The following SEC24D variants were observed in gnomAD, a reference collection of about 807,000 sequenced individuals.
SEC24D encodes the protein protein transport protein Sec24D.
SEC24D carries 69 observed loss-of-function variants against 116.9 expected under a neutral mutation model. The ratio of observed to expected loss-of-function variants is 0.59; its 90% confidence interval spans 0.49 to 0.72. The LOEUF (loss-of-function observed/expected upper bound fraction) is 0.72. SEC24D is among the 30% of genes least tolerant of loss of function. The probability of loss-of-function intolerance (pLI) is 0.00; values close to 1 mark genes in which losing one functional copy is unlikely to be tolerated. For synonymous variants in SEC24D, 405 were observed against 442.8 expected (o/e 0.91, Z 1.07); for missense variants, 1,131 against 1,264.1 (o/e 0.89, Z 1.60).
intron 10 of SEC24D, among the ~76,000 whole-genome samples, chr4:118,758,156 C>A (rs1727202262): frequency 6.6e-6 from 1 of 152,148 alleles, no homozygotes; most frequent in Non-Finnish European, 1.5e-5. Flanking sequence ...AGGGAAAGTA[C>A]AGAATCATGG....
intron 6 of SEC24D, among the ~76,000 whole-genome samples, chr4:118,810,137 T>TGTGTGTGTGTGTGTGTGTGTGTGTG (rs56961502): frequency 2.9e-5 from 3 of 104,280 alleles, no homozygotes; most frequent in Admixed American, 1.1e-4. Context: ...TGTGTGTGTG[T>TGTGTGTGTGTGTGTGTGTGTGTGTG]CAGAGGGTAT....
intron 8 of SEC24D, 36 bp from the exon 9 acceptor site, chr4:118,768,347 A>G: frequency 6.5e-7 from 1 of 1,533,270 alleles, no homozygotes; most frequent in Non-Finnish European, 8.9e-7. Flanking sequence ...TGAACAGGTG[A>G]GTATAGGATT....
At chr4:118,749,415 A>G (rs1165736172) in intron 13 of SEC24D, among the ~76,000 whole-genome samples, 1 of 152,210 alleles carries the variant, frequency 6.6e-6, no homozygotes, top group Non-Finnish European at 1.5e-5. Flanking sequence ...TATAGATTTT[A>G]CTTGGCATCT....
intron 7 of SEC24D, 126 bp downstream of exon 7, chr4:118,805,717 A>G (rs890734881): frequency 1.8e-6 from 1 of 560,478 alleles, no homozygotes; most frequent in Non-Finnish European, 3.0e-6. Context: ...TTAACAGAGA[A>G]CTGATTATCA....
intron 13 of SEC24D, among the ~76,000 whole-genome samples, chr4:118,748,791 C>T (rs1267864905): frequency 6.6e-6 from 1 of 151,976 alleles, no homozygotes; most frequent in African/African-American, 2.4e-5. Context: ...ATCAAGGGCT[C>T]CCTGAAAAGG....
chr4:118,830,456 T>C (rs1010088843), intron 2 of SEC24D, among the ~76,000 whole-genome samples: 2 of 152,172 alleles, frequency 1.3e-5, no homozygotes, highest in Non-Finnish European at 2.9e-5. Context: ...AATTAATTAA[T>C]TTAATTTAAT....
intron 19 of SEC24D, 120 bp downstream of exon 19, chr4:118,738,141 C>A: frequency 1.4e-6 from 1 of 696,966 alleles, no homozygotes; most frequent in Non-Finnish European, 2.5e-6. Context: ...TTCTCAGCTA[C>A]ACTGTTTACT....
chr4:118,745,114 T>C (rs1726446419), intron 13 of SEC24D, 54 bp from the exon 14 acceptor site: 1 of 933,270 alleles, frequency 1.1e-6, no homozygotes, highest in African/African-American at 1.7e-5. Context: ...AGTAGGAACA[T>C]TTTAAGAGAA....
At chr4:118,806,073 A>C in intron 6 of SEC24D, 119 bp from the exon 7 acceptor site, 1 of 657,148 alleles carries the variant, frequency 1.5e-6, no homozygotes, top group East Asian at 2.9e-5. Flanking sequence ...ATATTCACAC[A>C]CACAGAGATG....
intron 8 of SEC24D, among the ~76,000 whole-genome samples, chr4:118,789,748 CTA>C (rs1449534761): frequency 6.6e-6 from 1 of 152,096 alleles, no homozygotes; most frequent in African/African-American, 2.4e-5. Context: ...CCATGCCAGG[CTA>C]ATTTTTTGTA....
intron 8 of SEC24D, among the ~76,000 whole-genome samples, chr4:118,780,110 T>C (rs573192659): frequency 6.6e-6 from 1 of 152,352 alleles, no homozygotes; most frequent in South Asian, 2.1e-4. Context: ...CCTTCAGTTC[T>C]GCTCTGATGT....
rs117381712 is a variant in SEC24D at position 118,797,929 on chromosome 4, C to T, written c.914-119G>A. ...ATTGCATTATTTCTTATTTGTAAAACTCTCTTCATGATTTGTTTTTTAAAA... is the reference window on the plus strand; with the variant it reads ...ATTGCATTATTTCTTATTTGTAAAATTCTCTTCATGATTTGTTTTTTAAAA... On this transcript the variant is annotated intron_variant, in intron 7 of 22. Coordinates refer to ENST00000280551, the MANE Select transcript of SEC24D (RefSeq NM_014822.4). 4.9e-3 allele frequency: 3,625 copies of T among 744,078 alleles called. 165 individuals carry two copies. The East Asian group carries it at 0.09, about 19-fold the overall frequency. The allele number at this position is 744,078 out of a possible 1,614,324, so 46.1% of individuals were successfully genotyped here. A position where few individuals can be genotyped will look rare whatever the true frequency, so the allele number is the denominator to read the frequency against.
chr4:118,733,212 G>T, intron 19 of SEC24D: 1 of 210,830 alleles, frequency 4.7e-6, no homozygotes, highest in Non-Finnish European at 9.3e-6. Flanking sequence ...GTGTGACCCT[G>T]GGCAAATTAC....
At chr4:118,820,934 A>G (rs1484024239) in intron 3 of SEC24D, among the ~76,000 whole-genome samples, 3 of 152,194 alleles carry the variant, frequency 2.0e-5, no homozygotes, top group Non-Finnish European at 4.4e-5. Context: ...CCTCAATTTA[A>G]TCCTAATCCT....
intron 15 of SEC24D, 33 bp from the exon 16 acceptor site, chr4:118,741,070 G>C: frequency 8.9e-7 from 1 of 1,129,818 alleles, no homozygotes. Context: ...ATGTCCACCA[G>C]ATGGCAGTAA....
intron 1 of SEC24D, among the ~76,000 whole-genome samples, chr4:118,834,176 G>A (rs1402016424): frequency 6.6e-6 from 1 of 152,180 alleles, no homozygotes; most frequent in African/African-American, 2.4e-5. Context: ...CGTCTTTTTA[G>A]TGCTCATCTA....
chr4:118,832,590 G>T (rs1730909822), intron 2 of SEC24D, among the ~76,000 whole-genome samples: 1 of 152,148 alleles, frequency 6.6e-6, no homozygotes, highest in Non-Finnish European at 1.5e-5. Flanking sequence ...AGAGATCTGG[G>T]TATGAATCCT....
At chr4:118,741,966 G>T (rs1294848269) in intron 15 of SEC24D, among the ~76,000 whole-genome samples, 1 of 152,154 alleles carries the variant, frequency 6.6e-6, no homozygotes, top group Non-Finnish European at 1.5e-5. Flanking sequence ...CAACTGAATG[G>T]CAGCATAGGC....
chr4:118,743,923 A>G lies in SEC24D; in HGVS notation c.1995+65T>C, dbSNP rs1726359665. On this transcript the variant is annotated intron_variant, in intron 15 of 22. Coordinates refer to ENST00000280551, the MANE Select transcript of SEC24D (RefSeq NM_014822.4). ...CCAGGGAACACAGCTTTTTAAACCT[A>G]TAATCTAAACAACAAAATTAAAATG... The G allele has an allele frequency of 4.9e-6, 7 of 1,427,112 alleles. No individual in the cohort carries two copies. The African/African-American group carries it at 7.2e-5, about 15-fold the overall frequency. The allele number at this position is 1,427,112 out of a possible 1,614,324, so 88.4% of individuals were successfully genotyped here. A position where few individuals can be genotyped will look rare whatever the true frequency, so the allele number is the denominator to read the frequency against.
Sources: gnomAD v4.1 joint callset for allele counts (sites outside exome capture counted in the v4.1 genomes callset) on GRCh38, gnomAD v4.1.1 for gene constraint, MANE v1.5 for transcripts, NCBI Gene and HGNC (gene_info 2026-07-23, HGNC 2026-07-21) for gene names.